DYSF: variants seen among roughly 807,000 people sequenced by gnomAD.
DYSF encodes the protein dystrophy-associated fer-1-like 1.
In DYSF, 212 loss-of-function variants were observed where a neutral mutation model predicts 274.9. The ratio of observed to expected loss-of-function variants is 0.77; its 90% CI spans 0.69 to 0.86. DYSF has a LOEUF of 0.86. Ranked by LOEUF, DYSF falls within the 40% of genes least tolerant of loss-of-function variation. DYSF has a pLI of 0.00. For missense variants in DYSF, 2,666 were observed against 2,783.2 expected (o/e 0.96, Z 0.95); for synonymous variants, 1,091 against 1,078.7 (o/e 1.01, Z -0.22).
intron 21 of DYSF, among the ~76,000 whole-genome samples, chr2:71,555,010 T>C (rs2152794494): frequency 6.6e-6 from 1 of 151,084 alleles, no homozygotes; most frequent in Admixed American, 6.6e-5. Flanking sequence ...GATCAGCAGG[T>C]GGAGGGAAGG....
chr2:71,617,255 G>C (rs149671906), intron 40 of DYSF, among the ~76,000 whole-genome samples: 8 of 152,184 alleles, frequency 5.3e-5, no homozygotes, highest in Non-Finnish European at 1.2e-4. Flanking sequence ...AGGAAGTTCC[G>C]ACTCTGGTCA....
In DYSF at chr2:71,578,893, G is replaced by A. The variant is rs985528391; in HGVS notation, c.3402+4522G>A. 2.0e-5 allele frequency among the ~76,000 whole-genome samples: 3 copies of A among 152,238 alleles called. 1 individual carries two copies. Among genetic ancestry groups the A allele is most frequent in the Non-Finnish European group, 4.4e-5 (3 of 68,050 alleles). Reference sequence around the variant, plus strand: ...CAAGCCTGGCTCCTTCCACGGAGCGGGAGGCCCTGGCTCCGTCTGCTAATC... The same window carrying A: ...CAAGCCTGGCTCCTTCCACGGAGCGAGAGGCCCTGGCTCCGTCTGCTAATC... On this transcript the variant is annotated intron_variant, in intron 30 of 55. Transcript: ENST00000410020.
chr2:71,644,656 C>T (rs769810927), intron 42 of DYSF, among the ~76,000 whole-genome samples: 1 of 152,086 alleles, frequency 6.6e-6, no homozygotes, highest in African/African-American at 2.4e-5. Context: ...ATGAGTCAGC[C>T]AAATTGTGGT....
At chr2:71,530,806 C>T (rs1427441626) in intron 14 of DYSF, among the ~76,000 whole-genome samples, 3 of 152,164 alleles carry the variant, frequency 2.0e-5, no homozygotes, top group Non-Finnish European at 4.4e-5. Context: ...CTCTTTTAGC[C>T]TGCTTGCATG....
intron 51 of DYSF, among the ~76,000 whole-genome samples, chr2:71,672,823 C>T (rs879809211): frequency 6.6e-6 from 1 of 152,176 alleles, no homozygotes; most frequent in African/African-American, 2.4e-5. Context: ...GGCTGGGGCC[C>T]GGAAAAGGGG....
chr2:71,539,040 C>T, intron 16 of DYSF, 117 bp from the exon 17 acceptor site: 1 of 857,308 alleles, frequency 1.2e-6, no homozygotes, highest in Non-Finnish European at 2.0e-6. Context: ...ACCAGAAGCG[C>T]TCTCTGCCTG....
intron 1 of DYSF, among the ~76,000 whole-genome samples, chr2:71,472,610 G>T (rs775823209): frequency 6.6e-6 from 1 of 152,178 alleles, no homozygotes; most frequent in East Asian, 1.9e-4. Context: ...GTTTCACCAT[G>T]TTAGCCAGGA....
At chr2:71,653,310 G>C (rs941166458) in intron 42 of DYSF, among the ~76,000 whole-genome samples, 5 of 152,148 alleles carry the variant, frequency 3.3e-5, no homozygotes, top group African/African-American at 1.2e-4. Context: ...TCATTACTGG[G>C]TATATACCCA....
At chr2:71,581,913 C>T (rs1332715709) in intron 30 of DYSF, among the ~76,000 whole-genome samples, 1 of 152,020 alleles carries the variant, frequency 6.6e-6, no homozygotes, top group Non-Finnish European at 1.5e-5. Context: ...GAGGCCAAGG[C>T]AGGCAGATCA....
At chr2:71,594,442 T>TG (rs761228873) in intron 32 of DYSF, among the ~76,000 whole-genome samples, 5 of 152,314 alleles carry the variant, frequency 3.3e-5, no homozygotes, top group Non-Finnish European at 5.9e-5. Context: ...TGAGAGGCTC[T>TG]GAGGCGGCTG....
rs7573406 is a variant in DYSF at position 71,644,058 on chromosome 2, C to T, written c.4621C>T (p.Leu1541=). 8.2e-3 allele frequency: 13,247 copies of T among 1,609,458 alleles called. 90 individuals are homozygous for T. The highest frequency in any genetic ancestry group is 0.033 in the Middle Eastern group (198 of 6,022). ...GSYLEKDFDT[L]KVYDTQLENV... is the part of the protein sequence containing the mutation. ...CTACCTGGAGAAGGATTTTGACACC[C>T]TGAAGGTAAGGCCTCTCTTCAGTCT... Residue 1541 remains leucine, a synonymous_variant, in exon 42 of 56, where the codon CTG becomes TTG. Transcript: ENST00000410020.
Position 71,571,516 on chromosome 2 carries a change from A to C in DYSF, c.3228+775A>C, listed in dbSNP as rs1459013592. Reference sequence around the variant, plus strand: ...CACGCACAGATCACACCCACCACACACAGCTCACACCCAGCACACACACAT... The same window carrying C: ...CACGCACAGATCACACCCACCACACCCAGCTCACACCCAGCACACACACAT... On this transcript the variant is annotated intron_variant, in intron 29 of 55. Coordinates refer to ENST00000410020, the MANE Select transcript of DYSF (RefSeq NM_001130987.2). Among the ~76,000 whole-genome samples the C allele has an allele frequency of 3.1e-4, 44 of 142,944 alleles. 1 individual carries two copies. The highest frequency in any genetic ancestry group is 5.6e-4 in the Non-Finnish European group (37 of 66,612). The allele number at this position is 142,944 out of a possible 152,430, so 93.8% of individuals were successfully genotyped here. A position where few individuals can be genotyped will look rare whatever the true frequency, so the allele number is the denominator to read the frequency against.
At chr2:71,543,503 G>A (rs1349600827) in intron 17 of DYSF, among the ~76,000 whole-genome samples, 1 of 152,230 alleles carries the variant, frequency 6.6e-6, no homozygotes, top group Non-Finnish European at 1.5e-5. Context: ...GGGAGGCCAA[G>A]GCAGGCGGCT....
chr2:71,618,115 T>G (rs1210469310), intron 40 of DYSF, among the ~76,000 whole-genome samples: 3 of 122,964 alleles, frequency 2.4e-5, no homozygotes, highest in South Asian at 2.7e-4. Flanking sequence ...AGAGGTGGGG[T>G]GTGTGTGTGG....
intron 1 of DYSF, among the ~76,000 whole-genome samples, chr2:71,476,377 C>A (rs566466663): frequency 6.6e-6 from 1 of 151,898 alleles, no homozygotes; most frequent in Admixed American, 6.6e-5. Context: ...CATGGTCAGG[C>A]TAAAAATACA....
intron 45 of DYSF, among the ~76,000 whole-genome samples, chr2:71,661,210 A>G (rs1445211648): frequency 6.6e-6 from 1 of 151,224 alleles, no homozygotes; most frequent in South Asian, 2.1e-4. Context: ...TTTAAGATAA[A>G]CTTTTACTTT....
chr2:71,540,361 G>A (rs1384460010), intron 17 of DYSF, among the ~76,000 whole-genome samples: 2 of 151,758 alleles, frequency 1.3e-5, no homozygotes, highest in Admixed American at 1.3e-4. Flanking sequence ...CGCCCACCTC[G>A]GCCTCCCAAA....
At chr2:71,601,143 A>C (rs1053916855) in intron 34 of DYSF, 3 of 588,396 alleles carry the variant, frequency 5.1e-6, no homozygotes, top group Non-Finnish European at 9.0e-6. Flanking sequence ...GACTCCAGGG[A>C]CAGGCAAGGG....
At chr2:71,566,197 C>G (rs918267018) in intron 24 of DYSF, among the ~76,000 whole-genome samples, 1 of 81,246 alleles carries the variant, frequency 1.2e-5, no homozygotes, top group Non-Finnish European at 2.3e-5. Flanking sequence ...TGGGGCTGAC[C>G]GGGGAAGGCG....
Sources: allele counts gnomAD v4.1 joint callset (sites outside exome capture counted in the v4.1 genomes callset), GRCh38; gene constraint gnomAD v4.1.1; transcripts MANE v1.5; gene names NCBI Gene and HGNC (gene_info 2026-07-23, HGNC 2026-07-21).